Variants in COL7A1 observed in about 807,000 individuals in gnomAD.
COL7A1 encodes collagen type VII alpha 1 chain.
Under a neutral mutation model 456.2 loss-of-function variants are expected in COL7A1, and 296 were observed. That is an observed-to-expected ratio of 0.65 (90% CI 0.59 to 0.71). The LOEUF (loss-of-function observed/expected upper bound fraction) is 0.71, where lower values mean the gene tolerates loss of function less well. Ranked by LOEUF, COL7A1 falls within the 30% of genes least tolerant of loss-of-function variation. COL7A1 has a pLI of 0.00. For synonymous variants in COL7A1, 1,464 were observed against 1,525.9 expected, an observed-to-expected ratio of 0.96 and a Z score of 0.95; for missense variants, 3,441 against 4,017.2, an observed-to-expected ratio of 0.86 and a Z score of 3.88.
Position 48,588,820 on chromosome 3 carries a change from G to T in COL7A1, c.2441-32C>A. 1 of 1,613,626 alleles carries T rather than the reference G, an allele frequency of 6.2e-7. No individual in the cohort carries two copies. Among genetic ancestry groups the T allele is most frequent in the Non-Finnish European group, 8.5e-7 (1 of 1,180,036 alleles). On this transcript the variant is annotated intron_variant, in intron 19 of 118. Transcript: ENST00000681320. The surrounding 1 kb of genome is among the most constrained non-coding windows in gnomAD (Gnocchi z 4.6). ...AGGTGGGCATACAGCAATGGTTAGGGGTGAGCAGTCCCAGCCAGGAAGGAC... is the reference window on the plus strand; with the variant it reads ...AGGTGGGCATACAGCAATGGTTAGGTGTGAGCAGTCCCAGCCAGGAAGGAC...
rs749814590 is a variant in COL7A1 at position 48,583,772 on chromosome 3, G to A, written c.4287C>T (p.Pro1429=). ...APGEPGLPGL[P]GSPGPQGPVG... is the part of the protein sequence containing the mutation. ...CGGGGCCTTGGGGTCCAGGGCTTCCGGGAAGACCCTAGGAAGAAGTGAGTA... is the reference window on the plus strand; with the variant it reads ...CGGGGCCTTGGGGTCCAGGGCTTCCAGGAAGACCCTAGGAAGAAGTGAGTA... The change falls in exon 40 of 119, where the codon CCC becomes CCT. Residue 1429 remains proline, a synonymous_variant. Coordinates refer to ENST00000681320, the MANE Select transcript of COL7A1 (RefSeq NM_000094.4). The surrounding 1 kb of genome is among the most constrained non-coding windows in gnomAD (Gnocchi z 5.1). 3.0e-5 allele frequency: 49 copies of A among 1,613,766 alleles called. No individual in the cohort carries two copies. Among genetic ancestry groups the A allele is most frequent in the Admixed American group, 2.3e-4 (14 of 60,026 alleles).
In COL7A1 at chr3:48,573,169, C is replaced by A; in HGVS notation, c.6714+5G>T. ...TCCCTACAGGGGCCACAGGGACTCA[C>A]TCACCACAAGGCCTGAAGGGCCGGG... On this transcript the variant is annotated splice_donor_5th_base_variant and intron_variant, in intron 85 of 118. Coordinates refer to ENST00000681320, the MANE Select transcript of COL7A1 (RefSeq NM_000094.4). The surrounding 1 kb of genome is among the most constrained non-coding windows in gnomAD (Gnocchi z 5.5). 6.2e-7 allele frequency: 1 copy of A among 1,614,088 alleles called. No homozygotes were observed. The highest frequency in any genetic ancestry group is 8.5e-7 in the Non-Finnish European group (1 of 1,179,972).
rs2045746303 is a variant in COL7A1, at chr3:48,592,104, G to C, written c.1238C>G (p.Thr413Ser). Residue 413 changes from threonine to serine, a missense_variant and splice_region_variant, in exon 10 of 119, where the codon ACT (threonine) becomes AGT (serine). Thr to Ser is a moderately conservative substitution (Grantham distance 58, BLOSUM62 1). Transcript: ENST00000681320. The surrounding 1 kb of genome is among the most constrained non-coding windows in gnomAD (Gnocchi z 7.6). ...AAGAAAGTGCCCAGCCTTCTCACCA[G>C]TGCGAGCCATCAGGGAAGTGGCGGG... ...VGPATSLMARTDASVEQTLRP... is the reference protein window; with the variant it reads ...VGPATSLMARSDASVEQTLRP... 1 of 1,614,172 alleles carries C rather than the reference G, an allele frequency of 6.2e-7. No individual in the cohort carries two copies. The highest frequency in any genetic ancestry group is 8.5e-7 in the Non-Finnish European group (1 of 1,180,028).
rs750993855 is a variant in COL7A1 at position 48,564,470 on chromosome 3, G to A, written c.8819-48C>T. 33 of 1,611,382 alleles carry A rather than the reference G, an allele frequency of 2.0e-5. No homozygotes were observed. Among genetic ancestry groups the A allele is most frequent in the South Asian group, 1.2e-4 (11 of 90,756 alleles). On this transcript the variant is annotated intron_variant, in intron 118 of 118. Transcript: ENST00000681320. This position sits in a 1 kb window ranked among gnomAD's most constrained non-coding sequence, Gnocchi z 6.0. ...GGTCGTCAGCCATCTGACCTTCCCC[G>A]GAGACGCTCAGGCAGAGGCACCGCC...
rs1202062123 is a variant in COL7A1, at chr3:48,586,599, C to A, written c.3367G>T (p.Asp1123Tyr). ...DLGIILQRIR[D>Y]MPYMDPSGNN... ...CCACTTGGGTCCATGTAGGGCATGT[C>A]ACGGATCCTTTGCAAGATAATGCCA... The change falls in exon 26 of 119, where the codon GAC (aspartate) becomes TAC (tyrosine). Residue 1123 changes from aspartate to tyrosine, a missense_variant. This residue lies in a region of COL7A1 where 444 missense variants were observed against 427.6 expected (regional missense o/e 1.04). Transcript: ENST00000681320. This position sits in a 1 kb window ranked among gnomAD's most constrained non-coding sequence, Gnocchi z 5.1. 1 of 1,613,768 alleles carries A rather than the reference C, an allele frequency of 6.2e-7. No individual in the cohort carries two copies. Among genetic ancestry groups the A allele is most frequent in the East Asian group, 2.2e-5 (1 of 44,886 alleles).
At position 48,588,524 on chromosome 3, in the gene COL7A1, C is replaced by T. The variant is rs2045455108; in HGVS notation, c.2587+118G>A. The T allele has an allele frequency of 7.5e-6, 12 of 1,604,428 alleles. No homozygotes were observed. In the Admixed American group the frequency reaches 1.0e-4, roughly 13 times the overall value. ...TCAGACCCCTCTCCCTCCTCTCAGA[C>T]CCTGCCCCCAAAGGCTCACTACCAA... On this transcript the variant is annotated intron_variant, in intron 20 of 118. Transcript: ENST00000681320. The surrounding 1 kb of genome is among the most constrained non-coding windows in gnomAD (Gnocchi z 4.6).
chr3:48,573,334 C>T lies in COL7A1; in HGVS notation c.6633G>A (p.Glu2211=). ...CACTCACCCGTCCTGGAGGTCCTGT[C>T]TCTCCAGGCTCCCCCTGCAAACAAC... The part of the protein sequence containing the change: ...GPSGLKGEPG[E]TGPPGRGLTG... Residue 2211 remains glutamate (E), a synonymous_variant, in exon 84 of 119, where the codon GAG becomes GAA. Transcript: ENST00000681320. The surrounding 1 kb of genome is among the most constrained non-coding windows in gnomAD (Gnocchi z 5.5). 1 of 1,614,024 alleles carries T rather than the reference C, an allele frequency of 6.2e-7. No homozygotes were observed. The highest frequency in any genetic ancestry group is 1.3e-5 in the African/African-American group (1 of 75,016).
chr3:48,568,857 T>G lies in COL7A1; in HGVS notation c.7687-2A>C. On this transcript the variant is annotated splice_acceptor_variant, in intron 103 of 118. Coordinates refer to ENST00000681320, the MANE Select transcript of COL7A1 (RefSeq NM_000094.4). LOFTEE classifies it high-confidence loss of function. This position sits in a 1 kb window ranked among gnomAD's most constrained non-coding sequence, Gnocchi z 5.2. ...GTCACCAGGCTCTCCCTTGCTGCCCTGTGGGAGTGACCAGGAGAGGGATTC... is the reference window on the plus strand; with the variant it reads ...GTCACCAGGCTCTCCCTTGCTGCCCGGTGGGAGTGACCAGGAGAGGGATTC... 1 of 1,572,928 alleles carries G rather than the reference T, an allele frequency of 6.4e-7. No homozygotes were observed. The highest frequency in any genetic ancestry group is 8.6e-7 in the Non-Finnish European group (1 of 1,157,772).
chr3:48,571,899 G>T lies in COL7A1; in HGVS notation c.7068+102C>A. ...TCCTGGATGTTGGGACATGCAGCCCGACTCAGGGGCTCAGACATGTGCCCC... is the reference window on the plus strand; with the variant it reads ...TCCTGGATGTTGGGACATGCAGCCCTACTCAGGGGCTCAGACATGTGCCCC... On this transcript the variant is annotated intron_variant, in intron 92 of 118. Coordinates refer to ENST00000681320, the MANE Select transcript of COL7A1 (RefSeq NM_000094.4). The surrounding 1 kb of genome is among the most constrained non-coding windows in gnomAD (Gnocchi z 4.6). The T allele has an allele frequency of 1.4e-6, 2 of 1,415,542 alleles. No individual in the cohort carries two copies. Among genetic ancestry groups the T allele is most frequent in the South Asian group, 1.2e-5 (1 of 81,360 alleles). 87.7% of individuals were successfully genotyped at this position (1,415,542 alleles called of 1,614,324 possible).
Position 48,566,257 on chromosome 3 carries a change from C to T in COL7A1, c.8407+10G>A, listed in dbSNP as rs754593655. 7.5e-6 allele frequency: 12 copies of T among 1,596,438 alleles called. No homozygotes were observed. The highest frequency in any genetic ancestry group is 1.8e-5 in the Admixed American group (1 of 56,100). Reference sequence around the variant, plus strand: ...GTGGAGTGGGAGACTGCGGGCTGGGCACCACTCACCACAGTGCTGACTCAT... The same window carrying T: ...GTGGAGTGGGAGACTGCGGGCTGGGTACCACTCACCACAGTGCTGACTCAT... On this transcript the variant is annotated intron_variant, in intron 114 of 118. Coordinates refer to ENST00000681320, the MANE Select transcript of COL7A1 (RefSeq NM_000094.4). This position sits in a 1 kb window ranked among gnomAD's most constrained non-coding sequence, Gnocchi z 5.9.
At position 48,587,926 on chromosome 3, in the gene COL7A1, C is replaced by G; in HGVS notation, c.2724G>C (p.Gln908His). Reference protein sequence around the residue: ...LHWQPEGGQEQSRVLGPELSS... With the variant: ...LHWQPEGGQEHSRVLGPELSS... ...TGAGCTCGGGCCCCAGGACCCGGGA[C>G]TGTTCCTGGCCACCTGGGGCAGGCG... is the stretch of plus-strand genomic sequence containing the variant. The change falls in exon 22 of 119, where the codon CAG (glutamine) becomes CAC (histidine). Residue 908 changes from glutamine to histidine, a missense_variant. This residue lies in a region of COL7A1 where 444 missense variants were observed against 427.6 expected (regional missense o/e 1.04). Transcript: ENST00000681320. This position sits in a 1 kb window ranked among gnomAD's most constrained non-coding sequence, Gnocchi z 6.1. 6.3e-7 allele frequency: 1 copy of G among 1,596,484 alleles called. No homozygotes were observed. The highest frequency in any genetic ancestry group is 8.5e-7 in the Non-Finnish European group (1 of 1,171,980).
chr3:48,567,562 C>T lies in COL7A1; in HGVS notation c.8046+12G>A, dbSNP rs1440257919. On this transcript the variant is annotated intron_variant, in intron 109 of 118. Transcript: ENST00000681320. The surrounding 1 kb of genome is among the most constrained non-coding windows in gnomAD (Gnocchi z 4.3). ...GACTCCCTGTCATGTCCACTGTCCA[C>T]AGACCCTGTACCTTGGGACCGATCA... The T allele has an allele frequency of 1.2e-6, 2 of 1,614,198 alleles. No individual in the cohort carries two copies. Among genetic ancestry groups the T allele is most frequent in the African/African-American group, 1.3e-5 (1 of 75,058 alleles).
chr3:48,573,002 C>A lies in COL7A1; in HGVS notation c.6750+19G>T. 1 of 1,614,096 alleles carries A rather than the reference C, an allele frequency of 6.2e-7. No homozygotes were observed. The highest frequency in any genetic ancestry group is 1.1e-5 in the South Asian group (1 of 91,084). ...GACCCTTGACCCCTGGAGCCCAACC[C>A]TTGACCCCCAGAACTCACCACTTGT... On this transcript the variant is annotated intron_variant, in intron 86 of 118. Coordinates refer to ENST00000681320, the MANE Select transcript of COL7A1 (RefSeq NM_000094.4). This position sits in a 1 kb window ranked among gnomAD's most constrained non-coding sequence, Gnocchi z 5.5.
Position 48,578,781 on chromosome 3 carries a change from T to G in COL7A1, c.5424+138A>C, listed in dbSNP as rs1188104320. On this transcript the variant is annotated intron_variant, in intron 63 of 118. Coordinates refer to ENST00000681320, the MANE Select transcript of COL7A1 (RefSeq NM_000094.4). This position sits in a 1 kb window ranked among gnomAD's most constrained non-coding sequence, Gnocchi z 4.7. ...AAGGGGGATTCTACTAAAACCTGTG[T>G]GCCAGGGACTGAGACCCTCCCAAAG... 1 of 897,130 alleles carries G rather than the reference T, an allele frequency of 1.1e-6. No individual in the cohort carries two copies. Among genetic ancestry groups the G allele is most frequent in the Non-Finnish European group, 1.7e-6 (1 of 600,588 alleles). 55.6% of individuals were successfully genotyped at this position (897,130 alleles called of 1,614,324 possible).
At position 48,573,516 on chromosome 3, in the gene COL7A1, C is replaced by T. The variant is rs2107663179; in HGVS notation, c.6615G>A (p.Leu2205=). Reference sequence around the variant, plus strand: ...CTATCCACACACCTAGACTCACCTTCAGGCCAGAAGGTCCTTGGGGTCCTG... The same window carrying T: ...CTATCCACACACCTAGACTCACCTTTAGGCCAGAAGGTCCTTGGGGTCCTG... The part of the protein sequence containing the change: ...GPAGPQGPSG[L]KGEPGETGPP... The change falls in exon 83 of 119, where the codon CTG becomes CTA. Residue 2205 remains leucine, a synonymous_variant. Coordinates refer to ENST00000681320, the MANE Select transcript of COL7A1 (RefSeq NM_000094.4). This position sits in a 1 kb window ranked among gnomAD's most constrained non-coding sequence, Gnocchi z 5.5. The T allele has an allele frequency of 3.1e-6, 5 of 1,614,128 alleles. No homozygotes were observed. The highest frequency in any genetic ancestry group is 4.2e-6 in the Non-Finnish European group (5 of 1,180,024).
At position 48,581,677 on chromosome 3, in the gene COL7A1, C is replaced by T. The variant is rs1284611537; in HGVS notation, c.4722+29G>A. ...AAGTCAGGAAGACAACCTTCACCAACTGCCCCCTAAACACTTCGCTTCACT... is the reference window on the plus strand; with the variant it reads ...AAGTCAGGAAGACAACCTTCACCAATTGCCCCCTAAACACTTCGCTTCACT... On this transcript the variant is annotated intron_variant, in intron 49 of 118. Coordinates refer to ENST00000681320, the MANE Select transcript of COL7A1 (RefSeq NM_000094.4). This position sits in a 1 kb window ranked among gnomAD's most constrained non-coding sequence, Gnocchi z 5.8. 1.2e-6 allele frequency: 2 copies of T among 1,614,164 alleles called. No homozygotes were observed. The highest frequency in any genetic ancestry group is 1.7e-6 in the Non-Finnish European group (2 of 1,180,030).
Position 48,566,834 on chromosome 3 carries a change from G to A in COL7A1, c.8226+73C>T. The A allele has an allele frequency of 6.3e-7, 1 of 1,581,390 alleles. No homozygotes were observed. The highest frequency in any genetic ancestry group is 1.7e-5 in the Admixed American group (1 of 58,032). On this transcript the variant is annotated intron_variant, in intron 111 of 118. Coordinates refer to ENST00000681320, the MANE Select transcript of COL7A1 (RefSeq NM_000094.4). This position sits in a 1 kb window ranked among gnomAD's most constrained non-coding sequence, Gnocchi z 5.9. ...CAGCTTCAGAGGTTGGGGCAGGCAG[G>A]CTGGAAGATGGTTATGAGGTTGGAA...
In COL7A1 at chr3:48,564,260, C is replaced by T; in HGVS notation, c.*146G>A. On this transcript the variant is annotated 3_prime_UTR_variant, in exon 119 of 119. Coordinates refer to ENST00000681320, the MANE Select transcript of COL7A1 (RefSeq NM_000094.4). This position sits in a 1 kb window ranked among gnomAD's most constrained non-coding sequence, Gnocchi z 6.0. Reference sequence around the variant, plus strand: ...TGTCCACAGGGGGGAAGGCTAGACCCACGGGACCAAGTCACTGAAATAACG... The same window carrying T: ...TGTCCACAGGGGGGAAGGCTAGACCTACGGGACCAAGTCACTGAAATAACG... The T allele has an allele frequency of 2.0e-6, 2 of 1,007,932 alleles. No homozygotes were observed. Among genetic ancestry groups the T allele is most frequent in the Admixed American group, 3.9e-5 (2 of 51,244 alleles). The allele number at this position is 1,007,932 out of a possible 1,614,324, so 62.4% of individuals were successfully genotyped here.
In COL7A1 at chr3:48,573,346, C is replaced by A; in HGVS notation, c.6621G>T (p.Gly2207=). The stretch of plus-strand genomic sequence containing the variant: ...CTGGAGGTCCTGTCTCTCCAGGCTC[C>A]CCCTGCAAACAACCCAGAGACTGCA... ...AGPQGPSGLK[G]EPGETGPPGR... The change falls in exon 84 of 119, where the codon GGG becomes GGT. Residue 2207 remains glycine, a splice_region_variant and synonymous_variant. Transcript: ENST00000681320. The surrounding 1 kb of genome is among the most constrained non-coding windows in gnomAD (Gnocchi z 5.5). 6.2e-7 allele frequency: 1 copy of A among 1,614,042 alleles called. No homozygotes were observed. Among genetic ancestry groups the A allele is most frequent in the Non-Finnish European group, 8.5e-7 (1 of 1,180,022 alleles).
Sources: gnomAD v4.1 joint callset for allele counts on GRCh38, gnomAD v4.1.1 for gene constraint, gnomAD v4.1.1 regional missense constraint, Gnocchi (gnomAD v3.1) non-coding constraint, MANE v1.5 for transcripts, NCBI Gene and HGNC (gene_info 2026-07-23, HGNC 2026-07-21) for gene names.